STK32C: variants seen among roughly 807,000 people sequenced by gnomAD.
STK32C encodes the protein serine/threonine-protein kinase 32C.
In STK32C, 31 loss-of-function variants were observed where a neutral mutation model predicts 56.5. That is an observed-to-expected ratio of 0.55 (90% CI 0.41 to 0.74). The LOEUF (loss-of-function observed/expected upper bound fraction) is 0.74, where lower values mean the gene tolerates loss of function less well. Ranked by LOEUF, STK32C falls within the 30% of genes least tolerant of loss-of-function variation. STK32C has a pLI of 0.00. For synonymous variants in STK32C, 309 were observed against 289.4 expected (o/e 1.07, Z -0.69); for missense variants, 544 against 676.9 (o/e 0.80, Z 2.18).
At chr10:132,227,382 A>T (rs1469837641) in intron 3 of STK32C, among the ~76,000 whole-genome samples, 1 of 152,224 alleles carries the variant, frequency 6.6e-6, no homozygotes, top group African/African-American at 2.4e-5. Context: ...AAGAGCTGGC[A>T]TTTAACAACC....
downstream of STK32C, among the ~76,000 whole-genome samples, chr10:132,320,461 G>C (rs372361543): frequency 6.6e-6 from 1 of 152,118 alleles, no homozygotes; most frequent in East Asian, 1.9e-4. Context: ...AGTGGGAAGA[G>C]GGTGGGTCCA....
intron 3 of STK32C, among the ~76,000 whole-genome samples, chr10:132,227,191 G>T (rs1159193513): frequency 6.6e-6 from 1 of 152,276 alleles, no homozygotes; most frequent in Non-Finnish European, 1.5e-5. Context: ...TGCTGGAGGT[G>T]GCCCAGCTGG....
At chr10:132,307,991 C>A, upstream of STK32C, 8 of 189,910 alleles carry the variant, frequency 4.2e-5, no homozygotes, top group South Asian at 1.1e-3. The surrounding 1 kb of genome is among the most constrained non-coding windows in gnomAD (Gnocchi z 4.4). Flanking sequence ...GCGCTGGGGG[C>A]GGGGCAGGGG....
At chr10:132,313,041 AAAAAT>A (rs965726240) in intron 1 of STK32C, among the ~76,000 whole-genome samples, 7 of 152,220 alleles carry the variant, frequency 4.6e-5, no homozygotes, top group African/African-American at 1.7e-4. Flanking sequence ...CTCTGTCTCA[AAAAAT>A]AAAATAAAAT....
At chr10:132,292,438 G>A (rs954389288) in intron 1 of STK32C, among the ~76,000 whole-genome samples, 1 of 152,134 alleles carries the variant, frequency 6.6e-6, no homozygotes, top group East Asian at 1.9e-4. Context: ...TCAGTCTGAC[G>A]GATTCATCCA....
At chr10:132,249,072 CA>C in intron 1 of STK32C, 1 of 477,596 alleles carries the variant, frequency 2.1e-6, no homozygotes. Context: ...GCGGCTCCGG[CA>C]GAGGCTCCCA....
At chr10:132,211,031 G>A (rs770400037) in intron 10 of STK32C, among the ~76,000 whole-genome samples, 1 of 152,180 alleles carries the variant, frequency 6.6e-6, no homozygotes, top group Non-Finnish European at 1.5e-5. Context: ...CTCTCTGCGG[G>A]CAGCCCTCTC....
At chr10:132,259,320 G>A (rs1590299126) in intron 1 of STK32C, among the ~76,000 whole-genome samples, 1 of 152,162 alleles carries the variant, frequency 6.6e-6, no homozygotes, top group South Asian at 2.1e-4. Context: ...ATATGGTTTG[G>A]CTCTATGTCC....
chr10:132,328,877 G>A (rs1057456877), intron 1 of STK32C, among the ~76,000 whole-genome samples: 11 of 152,178 alleles, frequency 7.2e-5, no homozygotes, highest in African/African-American at 2.4e-4. Flanking sequence ...AGTTCCCAAC[G>A]GCAAGGCCAG....
chr10:132,252,437 C>T (rs1432967685), intron 1 of STK32C, among the ~76,000 whole-genome samples: 3 of 152,402 alleles, frequency 2.0e-5, no homozygotes, highest in African/African-American at 7.2e-5. Context: ...TCACGCTCCT[C>T]GGCGTGATTT....
intron 8 of STK32C, among the ~76,000 whole-genome samples, chr10:132,224,158 C>T (rs2062788297): frequency 6.6e-6 from 1 of 152,164 alleles, no homozygotes; most frequent in South Asian, 2.1e-4. Context: ...AGACGCAGCT[C>T]AGGGGATCAC....
In STK32C at chr10:132,222,914, C is replaced by T. The variant is rs764998985; in HGVS notation, c.1066G>A (p.Val356Met). Residue 356 changes from valine to methionine, a missense_variant, in exon 9 of 12, where the codon GTG becomes ATG. Physicochemically the swap from Val to Met is conservative, Grantham distance 21. Transcript: ENST00000298630. ...DVQAAPALAG[V>M]LWDHLSEKRV... ...TTCTCGCTCAGGTGGTCCCACAGCACGCCGGCCAGCGCCGGGGCTGCCTGC... is the reference window on the plus strand; with the variant it reads ...TTCTCGCTCAGGTGGTCCCACAGCATGCCGGCCAGCGCCGGGGCTGCCTGC... 23 of 1,559,172 alleles carry T rather than the reference C, an allele frequency of 1.5e-5. No individual in the cohort carries two copies. Among genetic ancestry groups the T allele is most frequent in the Admixed American group, 7.5e-5 (4 of 53,414 alleles).
At chr10:132,223,895 G>A (rs773542643) in intron 8 of STK32C, among the ~76,000 whole-genome samples, 2 of 152,194 alleles carry the variant, frequency 1.3e-5, no homozygotes, top group Non-Finnish European at 2.9e-5. Context: ...ATCACAAATG[G>A]GAGGCACTAC....
intron 10 of STK32C, among the ~76,000 whole-genome samples, chr10:132,219,785 C>A (rs2062576530): frequency 6.6e-6 from 1 of 152,174 alleles, no homozygotes; most frequent in South Asian, 2.1e-4. Context: ...GGGCATGACC[C>A]CACCCCTGCC....
upstream of STK32C, among the ~76,000 whole-genome samples, chr10:132,309,831 C>T (rs1266597481): frequency 6.6e-6 from 1 of 152,212 alleles, no homozygotes; most frequent in Non-Finnish European, 1.5e-5. Context: ...TCCTCCTCTC[C>T]CTCTGACCCC....
chr10:132,263,601 T>C (rs928136542), intron 1 of STK32C, among the ~76,000 whole-genome samples: 1 of 152,016 alleles, frequency 6.6e-6, no homozygotes, highest in East Asian at 1.9e-4. Context: ...TGAGATTATG[T>C]AATCCCAGCA....
chr10:132,330,670 GCAT>G (rs1197320843), intron 1 of STK32C, among the ~76,000 whole-genome samples: 1 of 99,458 alleles, frequency 1.0e-5, no homozygotes, highest in Non-Finnish European at 1.9e-5. Context: ...ACCACACCCA[GCAT>G]TTTTTTTTTT....
intron 1 of STK32C, among the ~76,000 whole-genome samples, chr10:132,267,275 G>C (rs921725328): frequency 5.3e-5 from 8 of 152,236 alleles, no homozygotes; most frequent in African/African-American, 1.4e-4. Flanking sequence ...CGAGAAGTCT[G>C]CACAGCCCAG....
chr10:132,249,476 G>A (rs1439887955), intron 1 of STK32C, among the ~76,000 whole-genome samples: 2 of 152,244 alleles, frequency 1.3e-5, no homozygotes, highest in Middle Eastern at 3.4e-3. Context: ...GCCTGGGCAG[G>A]GCTCACCGCA....
Sources: gnomAD v4.1 joint callset for allele counts (sites outside exome capture counted in the v4.1 genomes callset) on GRCh38, gnomAD v4.1.1 for gene constraint, Gnocchi (gnomAD v3.1) non-coding constraint, MANE v1.5 for transcripts, NCBI Gene and HGNC (gene_info 2026-07-23, HGNC 2026-07-21) for gene names.